ERICH1: variants seen among roughly 807,000 people sequenced by gnomAD.
The protein encoded by ERICH1 is glutamate-rich protein 1.
A neutral mutation model predicts 39.6 loss-of-function variants in ERICH1; 56 were observed. The observed-to-expected ratio is 1.41, with a 90% CI of 1.14 to 1.77. The LOEUF is 1.77. Among genes scored for constraint, ERICH1 ranks in the 40% most tolerant of loss-of-function variants. The pLI is 0.00. For missense variants in ERICH1, 826 were observed against 575.4 expected (o/e 1.44, Z -4.45); for synonymous variants, 313 against 223.6 (o/e 1.40, Z -3.57).
intron 3 of ERICH1, among the ~76,000 whole-genome samples, chr8:623,048 G>A (rs1217486294): frequency 6.6e-6 from 1 of 151,986 alleles, no homozygotes. Context: ...ACAGAAGAGG[G>A]TTTAACACTT....
chr8:725,978 C>A (rs1193505596), intron 1 of ERICH1: 1 of 152,486 alleles, frequency 6.6e-6, no homozygotes, highest in Non-Finnish European at 1.5e-5. Flanking sequence ...TCTACCACAT[C>A]TGAGTAGAAA....
intron 2 of ERICH1, among the ~76,000 whole-genome samples, chr8:713,675 G>A (rs1302714508): frequency 6.6e-6 from 1 of 152,120 alleles, no homozygotes; most frequent in Non-Finnish European, 1.5e-5. Context: ...CAGAGTCAAT[G>A]GAGATCTGAC....
intron 2 of ERICH1, among the ~76,000 whole-genome samples, chr8:707,551 T>C (rs919978796): frequency 6.6e-5 from 10 of 152,120 alleles, no homozygotes; most frequent in Non-Finnish European, 1.0e-4. Flanking sequence ...GATGGGGAAA[T>C]GATGTCTTCC....
At chr8:663,716 G>C (rs532570320), downstream of ERICH1, among the ~76,000 whole-genome samples, 1 of 151,960 alleles carries the variant, frequency 6.6e-6, no homozygotes, top group East Asian at 1.9e-4. Context: ...TTCATAGATA[G>C]AGGCACCTGC....
chr8:661,765 T>C (rs1190763969), downstream of ERICH1, among the ~76,000 whole-genome samples: 1 of 152,224 alleles, frequency 6.6e-6, no homozygotes, highest in Non-Finnish European at 1.5e-5. Flanking sequence ...ACCCTGAGCA[T>C]CCCACCTGCT....
chr8:656,252 C>T (rs1042464558), intron 3 of ERICH1, among the ~76,000 whole-genome samples: 5 of 152,160 alleles, frequency 3.3e-5, no homozygotes, highest in African/African-American at 1.2e-4. Context: ...GTGCTCAGTG[C>T]CAGCAGCTGG....
At chr8:708,950 CT>C in intron 2 of ERICH1, among the ~76,000 whole-genome samples, 1 of 151,972 alleles carries the variant, frequency 6.6e-6, no homozygotes, top group Non-Finnish European at 1.5e-5. Flanking sequence ...CCACCTCAGC[CT>C]CCCAAAGTGC....
chr8:688,003 C>T (rs1381100760), intron 3 of ERICH1, among the ~76,000 whole-genome samples: 1 of 152,258 alleles, frequency 6.6e-6, no homozygotes, highest in Non-Finnish European at 1.5e-5. Flanking sequence ...GAGCCCCGAC[C>T]GCAGCCCCAG....
intron 3 of ERICH1, among the ~76,000 whole-genome samples, chr8:689,033 A>G (rs532214038): frequency 6.6e-6 from 1 of 152,382 alleles, no homozygotes; most frequent in African/African-American, 2.4e-5. Context: ...TAAAAGATGA[A>G]TATGAAAAGT....
Position 673,774 on chromosome 8 carries a change from T to C in ERICH1, c.578A>G (p.Glu193Gly). 6.2e-7 allele frequency: 1 copy of C among 1,614,188 alleles called. No homozygotes were observed. Among genetic ancestry groups the C allele is most frequent in the Non-Finnish European group, 8.5e-7 (1 of 1,180,040 alleles). The stretch of plus-strand genomic sequence containing the variant: ...GCCTTCCCCTTCATTGCTGCTGTCC[T>C]CGGGCTGGTACATGAAACTGACACC... ...AAGVSFMYQP[E>G]DSSNEGEGVG... The change falls in exon 4 of 6, where the codon GAG becomes GGG. Residue 193 changes from glutamate to glycine, a missense_variant. Transcript: ENST00000262109.
chr8:628,909 G>C (rs1482719092), intron 3 of ERICH1, among the ~76,000 whole-genome samples: 2 of 152,142 alleles, frequency 1.3e-5, no homozygotes, highest in Non-Finnish European at 2.9e-5. Flanking sequence ...GAACCTCGGG[G>C]TCCCAGGACC....
intron 3 of ERICH1, among the ~76,000 whole-genome samples, chr8:630,838 C>T (rs1172706233): frequency 1.3e-5 from 2 of 149,056 alleles, no homozygotes; most frequent in African/African-American, 5.0e-5. Context: ...ACACACCCTC[C>T]CGTGACCACC....
chr8:699,764 C>T (rs1216079256), intron 2 of ERICH1, among the ~76,000 whole-genome samples: 1 of 142,426 alleles, frequency 7.0e-6, no homozygotes, highest in African/African-American at 2.7e-5. Context: ...CACACTCACA[C>T]AGCCGCACAG....
intron 2 of ERICH1, among the ~76,000 whole-genome samples, chr8:702,935 G>A (rs1812482785): frequency 6.6e-6 from 1 of 152,234 alleles, no homozygotes; most frequent in African/African-American, 2.4e-5. Flanking sequence ...CGCACGCCTG[G>A]GGTTAGCTGA....
At chr8:714,901 G>A (rs1037749231) in intron 2 of ERICH1, among the ~76,000 whole-genome samples, 2 of 152,046 alleles carry the variant, frequency 1.3e-5, no homozygotes, top group African/African-American at 4.8e-5. Flanking sequence ...CTGCACAGAG[G>A]TGACCTCTTC....
intron 2 of ERICH1, among the ~76,000 whole-genome samples, chr8:693,100 A>C (rs1255664398): frequency 6.6e-6 from 1 of 151,980 alleles, no homozygotes; most frequent in African/African-American, 2.4e-5. Context: ...ACATGCAGAC[A>C]CACAAACATC....
downstream of ERICH1, among the ~76,000 whole-genome samples, chr8:662,154 C>A (rs1000037486): frequency 1.3e-5 from 2 of 151,324 alleles, no homozygotes; most frequent in African/African-American, 4.9e-5. Context: ...CCATCCCCTG[C>A]AAGGGCAGGG....
At chr8:629,529 A>G (rs12675266) in intron 3 of ERICH1, among the ~76,000 whole-genome samples, 3 of 85,322 alleles carry the variant, frequency 3.5e-5, no homozygotes, top group African/African-American at 1.5e-4. Flanking sequence ...CAGAGCTGAC[A>G]CACACCCTCC....
intron 3 of ERICH1, among the ~76,000 whole-genome samples, chr8:657,146 T>C (rs1800762683): frequency 6.6e-6 from 1 of 152,348 alleles, no homozygotes; most frequent in South Asian, 2.1e-4. Flanking sequence ...ATAATGGTGA[T>C]AGATACTGCA....
Sources: allele counts gnomAD v4.1 joint callset (sites outside exome capture counted in the v4.1 genomes callset), GRCh38; gene constraint gnomAD v4.1.1; transcripts MANE v1.5; gene names NCBI Gene and HGNC (gene_info 2026-07-23, HGNC 2026-07-21).